AGBL4: variants seen among roughly 807,000 people sequenced by gnomAD.
The protein encoded by AGBL4 is cytosolic carboxypeptidase 6.
Under a neutral mutation model 66.4 loss-of-function variants are expected in AGBL4, and 58 were observed. The ratio of observed to expected loss-of-function variants is 0.87; its 90% CI spans 0.71 to 1.09. The LOEUF (loss-of-function observed/expected upper bound fraction) is 1.09. Among genes scored for constraint, AGBL4 ranks in the 50% least tolerant of loss-of-function variants. The pLI, the probability that AGBL4 is intolerant of heterozygous loss-of-function variation, is 0.00. For missense variants in AGBL4, 579 were observed against 631.0 expected (o/e 0.92, Z 0.88); for synonymous variants, 234 against 222.9 (o/e 1.05, Z -0.44).
chr1:49,947,413 A>C (rs1655313301), intron 1 of AGBL4, among the ~76,000 whole-genome samples: 2 of 151,960 alleles, frequency 1.3e-5, no homozygotes, highest in African/African-American at 4.8e-5. Flanking sequence ...TAAATGTGAT[A>C]CACCACATAA....
intron 4 of AGBL4, among the ~76,000 whole-genome samples, chr1:49,208,976 G>A (rs964365015): frequency 5.3e-5 from 8 of 152,046 alleles, no homozygotes; most frequent in Admixed American, 2.0e-4. Context: ...CCAGAAGCAG[G>A]GAGTGAGTCA....
At chr1:49,804,023 T>A (rs573540657) in intron 2 of AGBL4, among the ~76,000 whole-genome samples, 1 of 152,334 alleles carries the variant, frequency 6.6e-6, no homozygotes, top group South Asian at 2.1e-4. Flanking sequence ...TGCTAATTGC[T>A]AAAAATACAG....
intron 11 of AGBL4, among the ~76,000 whole-genome samples, chr1:48,566,448 C>A (rs1052379368): frequency 6.6e-6 from 1 of 152,234 alleles, no homozygotes; most frequent in Non-Finnish European, 1.5e-5. Flanking sequence ...CAGAACAGAT[C>A]CTTTTGGATG....
At chr1:49,246,312 A>C (rs529472863) in intron 3 of AGBL4, among the ~76,000 whole-genome samples, 1 of 152,096 alleles carries the variant, frequency 6.6e-6, no homozygotes, top group South Asian at 2.1e-4. Context: ...TAGAATTTAC[A>C]TAGAAGTAAA....
intron 4 of AGBL4, among the ~76,000 whole-genome samples, chr1:49,207,542 T>TTTTCTTTTCTTTC (rs1553166400): frequency 6.4e-5 from 5 of 77,974 alleles, no homozygotes; most frequent in Non-Finnish European, 1.3e-4. Context: ...TTTTTCTTTC[T>TTTTCTTTTCTTTC]TTTCTTTCTT....
At chr1:48,928,121 T>C (rs1255326349) in intron 5 of AGBL4, among the ~76,000 whole-genome samples, 1 of 151,650 alleles carries the variant, frequency 6.6e-6, no homozygotes, top group Non-Finnish European at 1.5e-5. Flanking sequence ...CCTCTCCTCC[T>C]TTCTTCTCAG....
intron 5 of AGBL4, among the ~76,000 whole-genome samples, chr1:49,039,734 T>G (rs565151616): frequency 6.6e-6 from 1 of 152,178 alleles, no homozygotes; most frequent in Admixed American, 6.6e-5. Flanking sequence ...TATATAAATA[T>G]TTCAGAAGAA....
chr1:49,248,275 A>C (rs1651796995), intron 3 of AGBL4, among the ~76,000 whole-genome samples: 1 of 152,226 alleles, frequency 6.6e-6, no homozygotes, highest in South Asian at 2.1e-4. Context: ...TTCACATTAG[A>C]ACAATGTTTT....
chr1:49,530,273 C>CAA (rs1171374859), intron 3 of AGBL4, among the ~76,000 whole-genome samples: 3 of 111,928 alleles, frequency 2.7e-5, no homozygotes, highest in Non-Finnish European at 5.2e-5. Flanking sequence ...AAAAAAAAAA[C>CAA]AAAAAAAAAC....
intron 2 of AGBL4, among the ~76,000 whole-genome samples, chr1:49,706,020 T>C (rs1571368381): frequency 6.6e-6 from 1 of 151,924 alleles, no homozygotes; most frequent in Non-Finnish European, 1.5e-5. Flanking sequence ...TGTTTTTTTG[T>C]CGTGTCTGCC....
chr1:48,835,215 A>G (rs546436081), intron 6 of AGBL4, among the ~76,000 whole-genome samples: 2 of 152,236 alleles, frequency 1.3e-5, no homozygotes, highest in East Asian at 3.9e-4. Flanking sequence ...GAGTCAGTCT[A>G]CCCTGCCAAA....
At chr1:49,118,904 C>A (rs1185033367) in intron 4 of AGBL4, among the ~76,000 whole-genome samples, 2 of 152,122 alleles carry the variant, frequency 1.3e-5, no homozygotes, top group Non-Finnish European at 2.9e-5. Flanking sequence ...AGAGATTCAA[C>A]TTCGTCTTGG....
chr1:49,253,598 A>G (rs912153835), intron 3 of AGBL4, among the ~76,000 whole-genome samples: 1 of 152,138 alleles, frequency 6.6e-6, no homozygotes, highest in Non-Finnish European at 1.5e-5. Context: ...CAGATGTACA[A>G]AGAAGTGTTA....
intron 1 of AGBL4, among the ~76,000 whole-genome samples, chr1:49,953,551 C>T (rs2148329027): frequency 6.6e-6 from 1 of 151,984 alleles, no homozygotes; most frequent in South Asian, 2.1e-4. Flanking sequence ...ATCAGAAGTA[C>T]AGGTTGAGCA....
intron 3 of AGBL4, among the ~76,000 whole-genome samples, chr1:49,694,005 C>T (rs1021931269): frequency 6.6e-6 from 1 of 152,124 alleles, no homozygotes; most frequent in African/African-American, 2.4e-5. Flanking sequence ...GGATACAACA[C>T]CATATGCTGC....
intron 3 of AGBL4, among the ~76,000 whole-genome samples, chr1:49,636,103 G>C (rs2124382112): frequency 6.6e-6 from 1 of 152,184 alleles, no homozygotes; most frequent in South Asian, 2.1e-4. Context: ...ATTAATTACA[G>C]ATAGATTATA....
intron 2 of AGBL4, among the ~76,000 whole-genome samples, chr1:49,810,400 A>T (rs1645072071): frequency 6.6e-6 from 1 of 152,186 alleles, no homozygotes; most frequent in Non-Finnish European, 1.5e-5. Context: ...CTAAAAGAAC[A>T]GTTTAAACAA....
chr1:49,815,057 C>G (rs559830021), intron 2 of AGBL4, among the ~76,000 whole-genome samples: 1 of 152,068 alleles, frequency 6.6e-6, no homozygotes, highest in Non-Finnish European at 1.5e-5. Context: ...TTAAAATGTA[C>G]AACAAAGTTA....
At chr1:48,561,840 C>G (rs966757459) in intron 11 of AGBL4, among the ~76,000 whole-genome samples, 4 of 152,200 alleles carry the variant, frequency 2.6e-5, no homozygotes, top group African/African-American at 9.6e-5. Context: ...CAGCCTCAGA[C>G]ATATCAGCTC....
Sources: allele counts gnomAD v4.1 joint callset (sites outside exome capture counted in the v4.1 genomes callset), GRCh38; gene constraint gnomAD v4.1.1; transcripts MANE v1.5; gene names NCBI Gene and HGNC (gene_info 2026-07-23, HGNC 2026-07-21).